HMGCLL1: variants seen among roughly 807,000 people sequenced by gnomAD.
HMGCLL1 encodes 3-hydroxy-3-methylglutaryl-CoA lyase like 1.
In HMGCLL1, 36 loss-of-function variants were observed where a neutral mutation model predicts 39.1. The observed-to-expected ratio is 0.92, with a 90% CI of 0.71 to 1.22. The LOEUF is 1.22. HMGCLL1 is among the 50% of genes most tolerant of loss of function. HMGCLL1 has a pLI of 0.00. For missense variants in HMGCLL1, 451 were observed against 416.5 expected, an observed-to-expected ratio of 1.08 and a Z score of -0.72; for synonymous variants, 149 against 144.0, an observed-to-expected ratio of 1.03 and a Z score of -0.25.
At chr6:55,637,800 T>C in the HMGCLL1 span, among the ~76,000 whole-genome samples, 1 of 151,894 alleles carries the variant, frequency 6.6e-6, no homozygotes, top group Non-Finnish European at 1.5e-5. Context: ...ATATCATAGA[T>C]ACATGTATGT....
chr6:55,501,028 A>C (rs538781736), intron 5 of HMGCLL1, among the ~76,000 whole-genome samples: 171 of 152,032 alleles, frequency 1.1e-3, no homozygotes, highest in African/African-American at 3.9e-3. Context: ...TATTGACAGA[A>C]CCTTAACTCT....
chr6:55,500,123 A>C (rs1763141093), intron 5 of HMGCLL1, among the ~76,000 whole-genome samples: 1 of 152,040 alleles, frequency 6.6e-6, no homozygotes, highest in African/African-American at 2.4e-5. Context: ...CAAGCTGCAT[A>C]AAAGGGAGAG....
chr6:55,499,151 A>T, intron 6 of HMGCLL1, 85 bp downstream of exon 6: 1 of 1,066,236 alleles, frequency 9.4e-7, no homozygotes. Flanking sequence ...TGCTATGCAG[A>T]TTCAATAAAT....
At chr6:55,513,939 G>A (rs961122662) in intron 5 of HMGCLL1, 109 bp downstream of exon 5, 3 of 915,514 alleles carry the variant, frequency 3.3e-6, no homozygotes, top group Non-Finnish European at 3.3e-6. Context: ...ATAGAAATAT[G>A]ATATTCTATG....
At chr6:55,510,265 AC>A (rs1001828720) in intron 5 of HMGCLL1, among the ~76,000 whole-genome samples, 40 of 152,062 alleles carry the variant, frequency 2.6e-4, no homozygotes, top group African/African-American at 8.9e-4. Flanking sequence ...ATGTAAAGAA[AC>A]TTTCATGATT....
intron 1 of HMGCLL1, among the ~76,000 whole-genome samples, chr6:55,554,634 A>G (rs1436325596): frequency 6.6e-6 from 1 of 152,122 alleles, no homozygotes; most frequent in African/African-American, 2.4e-5. Flanking sequence ...AAGGGCAATG[A>G]AATATGCTGA....
chr6:55,471,188 T>C (rs1471402173), intron 7 of HMGCLL1, among the ~76,000 whole-genome samples: 1 of 151,870 alleles, frequency 6.6e-6, no homozygotes, highest in African/African-American at 2.4e-5. Context: ...TACTTTATTC[T>C]TCGATAACTT....
intron 3 of HMGCLL1, among the ~76,000 whole-genome samples, chr6:55,540,036 G>GGGAAGCAA (rs1769323855): frequency 1.4e-5 from 1 of 73,798 alleles, no homozygotes; most frequent in African/African-American, 5.9e-5. Flanking sequence ...GAGGGAGGGA[G>GGGAAGCAA]GGAGGGAGGG....
chr6:55,533,738 T>C (rs1002853965), intron 3 of HMGCLL1, among the ~76,000 whole-genome samples: 9 of 149,358 alleles, frequency 6.0e-5, no homozygotes, highest in African/African-American at 2.0e-4. Context: ...TACAAAAAAT[T>C]AGCCGGGCGT....
intron 1 of HMGCLL1, among the ~76,000 whole-genome samples, chr6:55,560,947 A>G (rs1324081385): frequency 6.6e-6 from 1 of 152,180 alleles, no homozygotes; most frequent in Non-Finnish European, 1.5e-5. Flanking sequence ...TAAAAAATAA[A>G]CCACAGTGGT....
chr6:55,602,174 G>T, the HMGCLL1 span, among the ~76,000 whole-genome samples: 1 of 152,056 alleles, frequency 6.6e-6, no homozygotes, highest in Non-Finnish European at 1.5e-5. Flanking sequence ...AATGTATGCA[G>T]AGCATAGTGG....
chr6:55,673,436 A>C, the HMGCLL1 span, among the ~76,000 whole-genome samples: 1 of 152,164 alleles, frequency 6.6e-6, no homozygotes, highest in African/African-American at 2.4e-5. Flanking sequence ...AAAGACCCAA[A>C]CTATTTACAT....
chr6:55,646,062 G>C, the HMGCLL1 span, among the ~76,000 whole-genome samples: 1 of 151,666 alleles, frequency 6.6e-6, no homozygotes, highest in Non-Finnish European at 1.5e-5. Flanking sequence ...TTACAGCTTT[G>C]ATCTCATTAT....
intron 7 of HMGCLL1, among the ~76,000 whole-genome samples, chr6:55,491,029 C>A (rs1766283011): frequency 6.6e-6 from 1 of 152,062 alleles, no homozygotes; most frequent in African/African-American, 2.4e-5. Flanking sequence ...TCCAACAGTC[C>A]AACCACATGT....
the HMGCLL1 span, among the ~76,000 whole-genome samples, chr6:55,672,140 A>T: frequency 6.6e-6 from 1 of 151,860 alleles, no homozygotes; most frequent in East Asian, 1.9e-4. Flanking sequence ...TATTTTTTCA[A>T]ATATCAATAA....
chr6:55,642,369 G>T, the HMGCLL1 span, among the ~76,000 whole-genome samples: 1 of 151,688 alleles, frequency 6.6e-6, no homozygotes, highest in Non-Finnish European at 1.5e-5. Flanking sequence ...CACTTAATCA[G>T]AATTAGAAAA....
the HMGCLL1 span, among the ~76,000 whole-genome samples, chr6:55,594,112 C>T: frequency 1.3e-5 from 2 of 152,172 alleles, no homozygotes; most frequent in Admixed American, 1.3e-4. Flanking sequence ...AATTGTACAA[C>T]CTATGAAATT....
chr6:55,470,281 G>T (rs1764989440), intron 7 of HMGCLL1, among the ~76,000 whole-genome samples: 1 of 151,744 alleles, frequency 6.6e-6, no homozygotes, highest in African/African-American at 2.4e-5. Context: ...TCCGGTCTCT[G>T]GTTACAGAAA....
In HMGCLL1 at chr6:55,514,136, T is replaced by C. The variant is rs774149079; in HGVS notation, c.454A>G (p.Lys152Glu). Residue 152 changes from lysine to glutamate, a missense_variant, in exon 5 of 9, where the codon AAG becomes GAG. By Grantham distance (56) the Lys-to-Glu change is moderately conservative. Transcript: ENST00000274901. ...TCTTCAATGGAACAGTTAATATTCT[T>C]CTTGCTAAAGGATTCAGATGCAGCT... ...FGAASESFSK[K>E]NINCSIEESM... 1 of 1,612,892 alleles carries C rather than the reference T, an allele frequency of 6.2e-7. No individual in the cohort carries two copies. The highest frequency in any genetic ancestry group is 8.5e-7 in the Non-Finnish European group (1 of 1,179,356).
Sources: allele counts gnomAD v4.1 joint callset (sites outside exome capture counted in the v4.1 genomes callset), GRCh38; gene constraint gnomAD v4.1.1; transcripts MANE v1.5; gene names NCBI Gene and HGNC (gene_info 2026-07-23, HGNC 2026-07-21).